WDR37: variants seen among roughly 807,000 people sequenced by gnomAD.
WDR37 encodes the protein WD repeat-containing protein 37.
In WDR37, 19 loss-of-function variants were observed where a neutral mutation model predicts 62.9. That is an observed-to-expected ratio of 0.30 (90% CI 0.21 to 0.44). The LOEUF is 0.44. Among genes scored for constraint, WDR37 ranks in the 20% least tolerant of loss-of-function variants. The probability of loss-of-function intolerance (pLI) is 1.00; values close to 1 mark genes in which losing one functional copy is unlikely to be tolerated. For missense variants in WDR37, 474 were observed against 657.6 expected (o/e 0.72, Z 3.05); for synonymous variants, 250 against 260.9 (o/e 0.96, Z 0.40).
intron 11 of WDR37, among the ~76,000 whole-genome samples, chr10:1,117,589 T>C (rs1377440221): frequency 6.6e-6 from 1 of 152,196 alleles, no homozygotes; most frequent in Non-Finnish European, 1.5e-5. Flanking sequence ...AAGACAGCCA[T>C]CAGGCTATTG....
intron 11 of WDR37, among the ~76,000 whole-genome samples, chr10:1,109,660 G>A (rs997259314): frequency 5.9e-5 from 9 of 152,062 alleles, no homozygotes; most frequent in Admixed American, 3.9e-4. Flanking sequence ...GCGGTGAGCC[G>A]AGATCACGCC....
At position 1,103,154 on chromosome 10, in the gene WDR37, AATAGAATTCCAAGTAT is replaced by A. The variant is rs1834882825; in HGVS notation, c.727-445_727-430del. On this transcript the variant is annotated intron_variant, in intron 9 of 13. Transcript: ENST00000263150. This position sits in a 1 kb window ranked among gnomAD's most constrained non-coding sequence, Gnocchi z 6.3. ...GAAAATAGACTCTTATGACTATAGC[AATAGAATTCCAAGTAT>A]ATTTTAAATAGGCTCTTGAGAATGA... 6.6e-6 allele frequency among the ~76,000 whole-genome samples: 1 copy of A among 152,250 alleles called. No individual in the cohort carries two copies. Among genetic ancestry groups the A allele is most frequent in the South Asian group, 2.1e-4 (1 of 4,836 alleles).
chr10:1,077,903 G>T lies in WDR37; in HGVS notation c.139-4G>T, dbSNP rs1347889525. 1.9e-6 allele frequency: 3 copies of T among 1,605,318 alleles called. No individual in the cohort carries two copies. The highest frequency in any genetic ancestry group is 1.3e-5 in the African/African-American group (1 of 74,568). On this transcript the variant is annotated splice_region_variant and splice_polypyrimidine_tract_variant and intron_variant, in intron 2 of 13. Coordinates refer to ENST00000263150, the MANE Select transcript of WDR37 (RefSeq NM_014023.4). ...TTCATTTTAAACAAAGTCTTCTTCT[G>T]CAGGATTCTAAACTGCCTTCCTCGG...
intron 11 of WDR37, among the ~76,000 whole-genome samples, chr10:1,109,252 T>C (rs2131670297): frequency 6.6e-6 from 1 of 152,334 alleles, no homozygotes; most frequent in Admixed American, 6.5e-5. Context: ...CTGTATTGTC[T>C]CTGTTCAGTT....
chr10:1,094,381 G>A (rs1264175167), intron 8 of WDR37, among the ~76,000 whole-genome samples: 1 of 152,232 alleles, frequency 6.6e-6, no homozygotes, highest in Non-Finnish European at 1.5e-5. Flanking sequence ...CTTCATGCAG[G>A]TGGAGTTGTT....
chr10:1,061,389 T>C (rs1833368706), intron 1 of WDR37, among the ~76,000 whole-genome samples: 1 of 152,194 alleles, frequency 6.6e-6, no homozygotes, highest in Non-Finnish European at 1.5e-5. Flanking sequence ...TTAAATAAGA[T>C]TTATGCTACG....
chr10:1,081,746 T>C (rs976766347), intron 5 of WDR37, among the ~76,000 whole-genome samples: 1 of 152,224 alleles, frequency 6.6e-6, no homozygotes, highest in Admixed American at 6.5e-5. Context: ...AAGTGTGAAA[T>C]TATGTTCTTC....
chr10:1,132,312 T>C lies in WDR37; in HGVS notation c.*2968T>C, dbSNP rs1835963685. ...CTGGTCACTCGAAAAATTTTTAGACTTAAAAAGTCAGTTGTGTTTTGTGTC... is the reference window on the plus strand; with the variant it reads ...CTGGTCACTCGAAAAATTTTTAGACCTAAAAAGTCAGTTGTGTTTTGTGTC... On this transcript the variant is annotated 3_prime_UTR_variant, in exon 14 of 14. Coordinates refer to ENST00000263150, the MANE Select transcript of WDR37 (RefSeq NM_014023.4). 1 of 152,214 alleles carries C rather than the reference T, an allele frequency of 6.6e-6. No homozygotes were observed. The highest frequency in any genetic ancestry group is 2.4e-5 in the African/African-American group (1 of 41,458). 9.4% of individuals were successfully genotyped at this position (152,214 alleles called of 1,614,324 possible).
Position 1,129,692 on chromosome 10 carries a change from GC to G in WDR37, c.*349del. The G allele has an allele frequency of 1.1e-5, 2 of 176,898 alleles. No individual in the cohort carries two copies. Among genetic ancestry groups the G allele is most frequent in the South Asian group, 1.2e-4 (1 of 8,046 alleles). 11.0% of individuals were successfully genotyped at this position (176,898 alleles called of 1,614,324 possible). A position where few individuals can be genotyped will look rare whatever the true frequency, so the allele number is the denominator to read the frequency against. ...TAAATGTGAACTTCTGTATTACGTT[GC>G]GGCGTCGGCAGTCCTGCGTTCCCTG... On this transcript the variant is annotated 3_prime_UTR_variant, in exon 14 of 14. Transcript: ENST00000263150.
intron 13 of WDR37, among the ~76,000 whole-genome samples, chr10:1,126,028 C>T (rs980722757): frequency 2.9e-4 from 44 of 152,134 alleles, no homozygotes; most frequent in Non-Finnish European, 7.4e-5. Context: ...TGCTCTGCAG[C>T]CGGGCCTCAC....
intron 3 of WDR37, among the ~76,000 whole-genome samples, chr10:1,078,825 G>A (rs1017944570): frequency 6.6e-6 from 1 of 152,130 alleles, no homozygotes; most frequent in Admixed American, 6.5e-5. Context: ...TATAAAATTT[G>A]TACTAGACAA....
chr10:1,112,961 G>A (rs1320978195), intron 11 of WDR37, among the ~76,000 whole-genome samples: 1 of 152,260 alleles, frequency 6.6e-6, no homozygotes, highest in African/African-American at 2.4e-5. Context: ...GATCATCGAT[G>A]AAGATGACTA....
chr10:1,096,599 C>CTG (rs1307945150), intron 9 of WDR37: 1 of 276,030 alleles, frequency 3.6e-6, no homozygotes, highest in Admixed American at 5.0e-5. Flanking sequence ...GCCTCCAGCA[C>CTG]TGTGAGAAAA....
At chr10:1,088,128 G>T (rs1343901168) in intron 7 of WDR37, among the ~76,000 whole-genome samples, 2 of 152,220 alleles carry the variant, frequency 1.3e-5, no homozygotes, top group African/African-American at 4.8e-5. Context: ...GAGAGTCAGG[G>T]CCCTGCTCTG....
At chr10:1,067,345 C>G (rs1833584797) in intron 1 of WDR37, among the ~76,000 whole-genome samples, 1 of 152,084 alleles carries the variant, frequency 6.6e-6, no homozygotes. Context: ...ATAAAAAATT[C>G]AGGAGAAACA....
chr10:1,104,729 A>C (rs1478353245), intron 10 of WDR37, among the ~76,000 whole-genome samples: 1 of 152,140 alleles, frequency 6.6e-6, no homozygotes, highest in East Asian at 1.9e-4. Flanking sequence ...GCTTCTGCGA[A>C]TCTATCTCTA....
chr10:1,084,365 A>G (rs1834128922), intron 5 of WDR37, 38 bp from the exon 6 acceptor site: 1 of 1,592,138 alleles, frequency 6.3e-7, no homozygotes, highest in Non-Finnish European at 8.6e-7. Flanking sequence ...AATTTACTTC[A>G]GTAAATTGTT....
intron 2 of WDR37, 115 bp from the exon 3 acceptor site, chr10:1,077,792 T>C (rs1833923039): frequency 2.6e-6 from 2 of 761,526 alleles, no homozygotes; most frequent in African/African-American, 1.8e-5. Flanking sequence ...TATAAAAATA[T>C]GTAATAATAC....
chr10:1,060,138 C>T (rs1459037067), intron 1 of WDR37, among the ~76,000 whole-genome samples: 2 of 152,204 alleles, frequency 1.3e-5, no homozygotes, highest in Admixed American at 6.5e-5. Context: ...CATGCCTGGC[C>T]CAATATTACA....
Sources: gnomAD v4.1 joint callset for allele counts (sites outside exome capture counted in the v4.1 genomes callset) on GRCh38, gnomAD v4.1.1 for gene constraint, Gnocchi (gnomAD v3.1) non-coding constraint, MANE v1.5 for transcripts, NCBI Gene and HGNC (gene_info 2026-07-23, HGNC 2026-07-21) for gene names.